The following PRKG1 variants were observed in gnomAD, a reference collection of about 807,000 sequenced individuals.
PRKG1 encodes protein kinase cGMP-dependent 1, also known as cGMP-dependent protein kinase 1.
In PRKG1, 35 loss-of-function variants were observed where a neutral mutation model predicts 88.1. That is an observed-to-expected ratio of 0.40 (90% CI 0.30 to 0.53). The LOEUF is 0.53. PRKG1 is among the 20% of genes least tolerant of loss of function. The probability of loss-of-function intolerance (pLI) is 0.59; values close to 1 mark genes in which losing one functional copy is unlikely to be tolerated. For missense variants in PRKG1, 540 were observed against 839.8 expected, an observed-to-expected ratio of 0.64 and a Z score of 4.41; for synonymous variants, 303 against 292.5, an observed-to-expected ratio of 1.04 and a Z score of -0.37.
intron 7 of PRKG1, among the ~76,000 whole-genome samples, chr10:52,067,282 A>G (rs898901837): frequency 6.6e-6 from 1 of 152,220 alleles, no homozygotes; most frequent in African/African-American, 2.4e-5. Context: ...TTTTCTCACA[A>G]ATAAAATTTG....
At chr10:52,242,215 T>G (rs1232656424) in intron 9 of PRKG1, 1 of 152,152 alleles carries the variant, frequency 6.6e-6, no homozygotes, top group Non-Finnish European at 1.5e-5. Flanking sequence ...CATGCCATAA[T>G]AGTCACCAAC....
At chr10:51,590,586 A>C (rs2132206364) in intron 3 of PRKG1, among the ~76,000 whole-genome samples, 1 of 152,330 alleles carries the variant, frequency 6.6e-6, no homozygotes, top group African/African-American at 2.4e-5. Context: ...CTTGCCAAAA[A>C]CTAATTGCTT....
chr10:51,736,919 A>G (rs1003633085), intron 3 of PRKG1, among the ~76,000 whole-genome samples: 6 of 151,838 alleles, frequency 4.0e-5, no homozygotes, highest in Non-Finnish European at 7.4e-5. Context: ...TACAGATGTG[A>G]GCCACACCAC....
At chr10:51,302,173 TTTAA>T (rs1354048954) in intron 2 of PRKG1, among the ~76,000 whole-genome samples, 2 of 152,192 alleles carry the variant, frequency 1.3e-5, no homozygotes, top group African/African-American at 4.8e-5. Flanking sequence ...CTACTAGGGG[TTTAA>T]TTGACACCTG....
chr10:51,605,244 G>T (rs1054426044), intron 3 of PRKG1, among the ~76,000 whole-genome samples: 1 of 152,228 alleles, frequency 6.6e-6, no homozygotes, highest in East Asian at 1.9e-4. Context: ...GCACAGGATG[G>T]GGGGGCATGG....
intron 3 of PRKG1, among the ~76,000 whole-genome samples, chr10:51,700,729 T>C (rs1413223675): frequency 6.6e-6 from 1 of 152,204 alleles, no homozygotes; most frequent in Non-Finnish European, 1.5e-5. Context: ...GTATTGAATA[T>C]ATGAAATGAA....
chr10:52,103,699 C>G (rs1847348094), intron 7 of PRKG1, among the ~76,000 whole-genome samples: 1 of 151,902 alleles, frequency 6.6e-6, no homozygotes, highest in Admixed American at 6.6e-5. Context: ...GGGATTGGCA[C>G]TCCAACCCCT....
chr10:51,298,554 T>C lies in PRKG1; in HGVS notation c.478+145224T>C, dbSNP rs546683292. On this transcript the variant is annotated intron_variant, in intron 2 of 17. Transcript: ENST00000373980. ...TAAATGTTAGCTATTACACACTTAC[T>C]TCTCTCCTTTTCTGGAGGAAGGGAG... is the stretch of plus-strand genomic sequence containing the variant. Among the ~76,000 whole-genome samples the C allele has an allele frequency of 4.6e-5, 7 of 152,328 alleles. No homozygotes were observed. In the East Asian group the frequency reaches 1.3e-3, roughly 29 times the overall value.
chr10:52,261,833 A>G (rs889183611), intron 10 of PRKG1, among the ~76,000 whole-genome samples: 1 of 152,128 alleles, frequency 6.6e-6, no homozygotes, highest in Non-Finnish European at 1.5e-5. Flanking sequence ...TAAGAAATGT[A>G]TATAATCCAA....
chr10:51,922,261 T>C (rs1842478862), intron 5 of PRKG1, among the ~76,000 whole-genome samples: 1 of 145,702 alleles, frequency 6.9e-6, no homozygotes, highest in East Asian at 2.0e-4. Context: ...TTCATTTATA[T>C]TAGTATTTTT....
At chr10:52,015,066 C>T (rs1903979) in intron 5 of PRKG1, among the ~76,000 whole-genome samples, 52,547 of 152,092 alleles carry the variant, frequency 0.35, 9,673 homozygotes, top group Admixed American at 0.4. Context: ...GGATGGTAAC[C>T]TTCTCACAGC....
At chr10:51,540,908 G>A (rs989224333) in intron 3 of PRKG1, among the ~76,000 whole-genome samples, 3 of 152,002 alleles carry the variant, frequency 2.0e-5, no homozygotes, top group South Asian at 2.1e-4. Flanking sequence ...TAGAAGAGAC[G>A]GGGTTTCACC....
intron 3 of PRKG1, among the ~76,000 whole-genome samples, chr10:51,758,664 C>T (rs1044135758): frequency 1.3e-5 from 2 of 152,022 alleles, no homozygotes; most frequent in African/African-American, 4.8e-5. Context: ...AAATCTCTAC[C>T]CAGGCCTGTG....
intron 1 of PRKG1, among the ~76,000 whole-genome samples, chr10:51,126,385 T>G (rs1280789138): frequency 7.2e-6 from 1 of 138,822 alleles, no homozygotes; most frequent in Non-Finnish European, 1.5e-5. Flanking sequence ...AGTATTTATA[T>G]ATTTATAATT....
intron 3 of PRKG1, among the ~76,000 whole-genome samples, chr10:51,534,666 C>CAAAAAAAAAAA: frequency 8.3e-6 from 1 of 120,796 alleles, no homozygotes. Context: ...GACTCTGTCT[C>CAAAAAAAAAAA]AAAAAAAAAA....
chr10:51,924,130 T>C (rs1564710645), intron 5 of PRKG1, among the ~76,000 whole-genome samples: 1 of 152,102 alleles, frequency 6.6e-6, no homozygotes, highest in Non-Finnish European at 1.5e-5. Flanking sequence ...CGGCCTTACT[T>C]CCTTTATTTT....
At chr10:51,108,388 A>T (rs1038070803) in intron 1 of PRKG1, among the ~76,000 whole-genome samples, 5 of 152,208 alleles carry the variant, frequency 3.3e-5, no homozygotes, top group African/African-American at 9.6e-5. Context: ...ATTAAAAAAA[A>T]AAAGATAATT....
intron 3 of PRKG1, among the ~76,000 whole-genome samples, chr10:51,788,138 C>T (rs573469263): frequency 5.3e-5 from 8 of 152,260 alleles, no homozygotes; most frequent in Admixed American, 4.6e-4. Context: ...AGAAGTCATT[C>T]AGATTTTTTT....
chr10:52,044,925 T>C lies in PRKG1; in HGVS notation c.763-9559T>C, dbSNP rs1226809042. On this transcript the variant is annotated intron_variant, in intron 5 of 17. Transcript: ENST00000373980. The stretch of plus-strand genomic sequence containing the variant: ...TTTCCTTTAAGAAGCTTCATCTGGG[T>C]CCACTGCAGGAAATCTTTAAACCTT... Among the ~76,000 whole-genome samples, 9 of 152,258 alleles carry C rather than the reference T, an allele frequency of 5.9e-5. No individual in the cohort carries two copies. The East Asian group carries it at 1.7e-3, about 29-fold the overall frequency.
Sources: gnomAD v4.1 joint callset for allele counts (sites outside exome capture counted in the v4.1 genomes callset) on GRCh38, gnomAD v4.1.1 for gene constraint, MANE v1.5 for transcripts, NCBI Gene and HGNC (gene_info 2026-07-23, HGNC 2026-07-21) for gene names.